Variants in FBXL5 observed in about 807,000 individuals in gnomAD.
The protein encoded by FBXL5 is F-box and leucine rich repeat protein 5.
A neutral mutation model predicts 78.3 loss-of-function variants in FBXL5; 26 were observed. The ratio of observed to expected loss-of-function variants is 0.33; its 90% CI spans 0.24 to 0.46. FBXL5 has a LOEUF of 0.46. FBXL5 is among the 20% of genes least tolerant of loss of function. FBXL5 has a pLI of 1.00. For synonymous variants in FBXL5, 295 were observed against 282.5 expected, an observed-to-expected ratio of 1.04 and a Z score of -0.45; for missense variants, 710 against 829.2, an observed-to-expected ratio of 0.86 and a Z score of 1.77.
At chr4:15,657,141 A>T (rs1163794343), upstream of FBXL5, among the ~76,000 whole-genome samples, 1 of 152,110 alleles carries the variant, frequency 6.6e-6, no homozygotes, top group Admixed American at 6.5e-5. Flanking sequence ...TTTTTTAATA[A>T]CCTCCAGAGA....
intron 1 of FBXL5, among the ~76,000 whole-genome samples, chr4:15,647,852 G>C (rs1169987103): frequency 6.6e-6 from 1 of 152,104 alleles, no homozygotes; most frequent in Admixed American, 6.5e-5. Flanking sequence ...ACTTCACAGA[G>C]TTCTTGTGAG....
intron 9 of FBXL5, among the ~76,000 whole-genome samples, chr4:15,622,825 T>G (rs775048376): frequency 6.6e-6 from 1 of 152,358 alleles, no homozygotes; most frequent in East Asian, 1.9e-4. Context: ...AGACAGATCC[T>G]ACGTGTTCCC....
intron 2 of FBXL5, chr4:15,641,710 T>C: frequency 4.7e-6 from 2 of 425,618 alleles, no homozygotes; most frequent in South Asian, 3.4e-5. Context: ...ATCCCCATGT[T>C]GTTCAAGGGT....
At chr4:15,673,221 C>T (rs1353465350) in intron 1 of FBXL5, among the ~76,000 whole-genome samples, 1 of 152,164 alleles carries the variant, frequency 6.6e-6, no homozygotes, top group Non-Finnish European at 1.5e-5. Flanking sequence ...AGCTGGATCG[C>T]TTGAGCCCAC....
At chr4:15,651,258 G>T (rs917946253) in intron 1 of FBXL5, among the ~76,000 whole-genome samples, 4 of 152,114 alleles carry the variant, frequency 2.6e-5, no homozygotes, top group African/African-American at 9.7e-5. Context: ...CTACCAATAA[G>T]TAGCAGAACT....
intron 1 of FBXL5, among the ~76,000 whole-genome samples, chr4:15,650,921 C>T (rs1715951185): frequency 6.6e-6 from 1 of 152,058 alleles, no homozygotes; most frequent in Non-Finnish European, 1.5e-5. Flanking sequence ...TGAGCCACTG[C>T]ACCCAACCTA....
intron 10 of FBXL5, among the ~76,000 whole-genome samples, chr4:15,609,322 A>T (rs990021521): frequency 2.0e-5 from 3 of 152,184 alleles, no homozygotes; most frequent in African/African-American, 7.2e-5. Context: ...GAATAATCTT[A>T]TAAGAAAGCA....
At chr4:15,629,223 G>A (rs1322077792) in intron 6 of FBXL5, among the ~76,000 whole-genome samples, 2 of 152,048 alleles carry the variant, frequency 1.3e-5, no homozygotes, top group Non-Finnish European at 2.9e-5. Context: ...TTTTCAATAT[G>A]AAGGAAATTG....
At position 15,631,087 on chromosome 4, in the gene FBXL5, G is replaced by C. The variant is rs564407138; in HGVS notation, c.767-296C>G. The stretch of plus-strand genomic sequence containing the variant: ...CCCCAGTCCCCTACCCCCACCACAG[G>C]ACCTAGTGTGTGACGTTCCCCACCC... On this transcript the variant is annotated intron_variant, in intron 5 of 10. Transcript: ENST00000341285. 1.9e-3 allele frequency among the ~76,000 whole-genome samples: 288 copies of C among 152,056 alleles called. 1 individual carries two copies. Among genetic ancestry groups the C allele is most frequent in the African/African-American group, 6.5e-3 (270 of 41,474 alleles).
chr4:15,672,870 C>CA (rs1242695044), intron 1 of FBXL5, among the ~76,000 whole-genome samples: 9 of 151,946 alleles, frequency 5.9e-5, no homozygotes. Context: ...TACAGCTGTA[C>CA]AAAAATATTT....
chr4:15,623,825 A>AAT (rs1560217327), intron 9 of FBXL5, among the ~76,000 whole-genome samples: 1 of 146,028 alleles, frequency 6.8e-6, no homozygotes, highest in Non-Finnish European at 1.5e-5. Context: ...ATTTTACAAT[A>AAT]GTTTTTTTTT....
intron 9 of FBXL5, among the ~76,000 whole-genome samples, chr4:15,620,408 T>A (rs1712362296): frequency 6.6e-6 from 1 of 152,200 alleles, no homozygotes; most frequent in African/African-American, 2.4e-5. Context: ...ATGGCATTCT[T>A]TGCAGAAATA....
intron 1 of FBXL5, among the ~76,000 whole-genome samples, chr4:15,670,700 T>C (rs1717727210): frequency 9.8e-6 from 1 of 102,344 alleles, no homozygotes; most frequent in Non-Finnish European, 2.2e-5. Flanking sequence ...TTTATAACCC[T>C]TGAAAAAAGG....
intron 1 of FBXL5, among the ~76,000 whole-genome samples, chr4:15,652,124 A>C (rs1285271832): frequency 6.6e-6 from 1 of 152,186 alleles, no homozygotes; most frequent in Non-Finnish European, 1.5e-5. Flanking sequence ...GAATTAATGG[A>C]GTTAACCTTG....
At chr4:15,606,461 C>A (rs1721893756) in intron 10 of FBXL5, among the ~76,000 whole-genome samples, 1 of 151,830 alleles carries the variant, frequency 6.6e-6, no homozygotes, top group African/African-American at 2.4e-5. Context: ...ACATTTTATC[C>A]CAGTCACACT....
intron 1 of FBXL5, among the ~76,000 whole-genome samples, chr4:15,665,331 G>GCCAAGGCAAA (rs1717495026): frequency 2.0e-5 from 3 of 152,096 alleles, no homozygotes; most frequent in Non-Finnish European, 2.9e-5. Context: ...AGGCATCTTA[G>GCCAAGGCAAA]CCAAGGCAAA....
chr4:15,627,049 C>A, intron 7 of FBXL5, 94 bp from the exon 8 acceptor site: 1 of 566,370 alleles, frequency 1.8e-6, no homozygotes, highest in Non-Finnish European at 3.0e-6. Flanking sequence ...AGTTCACAAA[C>A]TTTTGTGAAT....
intron 2 of FBXL5, among the ~76,000 whole-genome samples, chr4:15,643,428 G>A (rs1355853906): frequency 1.3e-5 from 2 of 152,228 alleles, no homozygotes; most frequent in Admixed American, 1.3e-4. Flanking sequence ...ATATGTAAAT[G>A]TAATTAAGAA....
At position 15,640,773 on chromosome 4, in the gene FBXL5, A is replaced by G; in HGVS notation, c.396+15T>C. 7.1e-7 allele frequency: 1 copy of G among 1,406,194 alleles called. No individual in the cohort carries two copies. 87.1% of individuals were successfully genotyped at this position (1,406,194 alleles called of 1,614,324 possible). Reference sequence around the variant, plus strand: ...ATGTTATAAATCTAAATCACGAAAGAAAAATTATGCTTACCTCCTCTTCCT... The same window carrying G: ...ATGTTATAAATCTAAATCACGAAAGGAAAATTATGCTTACCTCCTCTTCCT... On this transcript the variant is annotated intron_variant, in intron 3 of 10. Coordinates refer to ENST00000341285, the MANE Select transcript of FBXL5 (RefSeq NM_012161.4).
Sources: gnomAD v4.1 joint callset for allele counts (sites outside exome capture counted in the v4.1 genomes callset) on GRCh38, gnomAD v4.1.1 for gene constraint, MANE v1.5 for transcripts, NCBI Gene and HGNC (gene_info 2026-07-23, HGNC 2026-07-21) for gene names.